STAC: variants seen among roughly 807,000 people sequenced by gnomAD.
STAC encodes SH3 and cysteine rich domain.
Under a neutral mutation model 48.8 loss-of-function variants are expected in STAC, and 43 were observed. The observed-to-expected ratio is 0.88, with a 90% CI of 0.69 to 1.14. STAC has a LOEUF of 1.14. Among genes scored for constraint, STAC ranks in the 50% most tolerant of loss-of-function variants. The pLI, the probability that STAC is intolerant of heterozygous loss-of-function variation, is 0.00. For missense variants in STAC, 497 were observed against 504.0 expected (o/e 0.99, Z 0.13); for synonymous variants, 193 against 179.5 (o/e 1.07, Z -0.60).
At chr3:36,439,558 C>G (rs899782596) in intron 1 of STAC, among the ~76,000 whole-genome samples, 2 of 152,160 alleles carry the variant, frequency 1.3e-5, no homozygotes, top group African/African-American at 4.8e-5. Flanking sequence ...AGTTGCACAT[C>G]CCATGACAAA....
intron 1 of STAC, among the ~76,000 whole-genome samples, chr3:36,426,699 C>T (rs1287491760): frequency 6.6e-6 from 1 of 152,160 alleles, no homozygotes; most frequent in East Asian, 1.9e-4. Flanking sequence ...CTAATTTTAA[C>T]ATCAAATTCT....
chr3:36,405,940 C>G (rs1056606491), intron 1 of STAC, among the ~76,000 whole-genome samples: 1 of 152,134 alleles, frequency 6.6e-6, no homozygotes, highest in African/African-American at 2.4e-5. Flanking sequence ...CCAGGATGGT[C>G]TTGAACTCCT....
At chr3:36,389,638 C>T (rs1699708403) in intron 1 of STAC, among the ~76,000 whole-genome samples, 1 of 152,088 alleles carries the variant, frequency 6.6e-6, no homozygotes, top group Non-Finnish European at 1.5e-5. Flanking sequence ...ATTTTATAAT[C>T]TAAAATCATT....
chr3:36,457,026 C>T (rs974756709), intron 2 of STAC, among the ~76,000 whole-genome samples: 5 of 152,144 alleles, frequency 3.3e-5, no homozygotes, highest in African/African-American at 1.2e-4. Flanking sequence ...CCTCATTGCC[C>T]GAAGAATTAC....
At chr3:36,489,131 A>G (rs1391834052) in intron 5 of STAC, among the ~76,000 whole-genome samples, 4 of 152,194 alleles carry the variant, frequency 2.6e-5, no homozygotes, top group Non-Finnish European at 5.9e-5. Context: ...TTCCTTTCTT[A>G]TAGAATATAT....
chr3:36,385,674 C>T (rs1405719071), intron 1 of STAC, among the ~76,000 whole-genome samples: 2 of 152,068 alleles, frequency 1.3e-5, no homozygotes, highest in Admixed American at 6.6e-5. Flanking sequence ...AATCACTAAC[C>T]TCCTAAAGGT....
chr3:36,415,393 G>A (rs144650412), intron 1 of STAC, among the ~76,000 whole-genome samples: 2,745 of 152,268 alleles, frequency 0.018, 48 homozygotes, highest in Non-Finnish European at 0.025. Context: ...CAGCCTCGTT[G>A]CCACCTTGCA....
intron 6 of STAC, among the ~76,000 whole-genome samples, chr3:36,500,107 AG>A (rs767215187): frequency 2.0e-5 from 3 of 152,328 alleles, no homozygotes; most frequent in East Asian, 1.9e-4. Flanking sequence ...CAAACCAGAT[AG>A]ACAAAAATAT....
At chr3:36,520,347 C>T (rs1485912480) in intron 8 of STAC, among the ~76,000 whole-genome samples, 1 of 152,190 alleles carries the variant, frequency 6.6e-6, no homozygotes, top group Non-Finnish European at 1.5e-5. Context: ...ATTATCTGCA[C>T]TATCTGAGAA....
At chr3:36,496,183 T>A (rs914930192) in intron 6 of STAC, among the ~76,000 whole-genome samples, 3 of 152,224 alleles carry the variant, frequency 2.0e-5, no homozygotes, top group African/African-American at 7.2e-5. Flanking sequence ...GTGTTGGAGA[T>A]GTATTAACAA....
chr3:36,418,786 G>T (rs1346456179), intron 1 of STAC, among the ~76,000 whole-genome samples: 1 of 151,818 alleles, frequency 6.6e-6, no homozygotes, highest in African/African-American at 2.4e-5. Context: ...GGTGGCTCAC[G>T]CCTGTAATCC....
chr3:36,461,426 C>G (rs111276202), intron 2 of STAC, among the ~76,000 whole-genome samples: 4,712 of 152,230 alleles, frequency 0.031, 129 homozygotes, highest in South Asian at 0.055. Flanking sequence ...AATGAACAAA[C>G]CAGGCAAAGA....
chr3:36,545,701 A>G (rs749345157), intron 10 of STAC, among the ~76,000 whole-genome samples: 3 of 152,150 alleles, frequency 2.0e-5, no homozygotes, highest in Non-Finnish European at 4.4e-5. Flanking sequence ...GTTAGCATCT[A>G]TTTGCTTGAG....
intron 3 of STAC, among the ~76,000 whole-genome samples, chr3:36,484,743 C>T (rs922943369): frequency 1.3e-5 from 2 of 152,158 alleles, no homozygotes; most frequent in African/African-American, 4.8e-5. Flanking sequence ...CTGGGGAGGC[C>T]AGGGCCAGGA....
chr3:36,398,624 A>AAAAG lies in STAC; in HGVS notation c.111+17872_111+17875dup, dbSNP rs113715257. Reference sequence around the variant, plus strand: ...AGAAAGGAAGGAGGGAAGGAAGAGAAAAAGAGAGAGAAAGAAAGAAAGAAA... The same window carrying AAAAG: ...AGAAAGGAAGGAGGGAAGGAAGAGAAAAAGAAAGAGAGAGAAAGAAAGAAAGAAA... On this transcript the variant is annotated intron_variant, in intron 1 of 10. Transcript: ENST00000273183. Among the ~76,000 whole-genome samples the AAAAG allele has an allele frequency of 3.5e-3, 216 of 60,972 alleles. 21 individuals carry two copies. The highest frequency in any genetic ancestry group is 0.015 in the Middle Eastern group (2 of 132). The allele number at this position is 60,972 out of a possible 152,430, so 40.0% of individuals were successfully genotyped here.
At chr3:36,470,255 G>T (rs911865911) in intron 2 of STAC, among the ~76,000 whole-genome samples, 12 of 152,320 alleles carry the variant, frequency 7.9e-5, no homozygotes, top group Middle Eastern at 3.4e-3. Flanking sequence ...GTCCCACGGG[G>T]TGCTCCCTTG....
chr3:36,411,837 A>G (rs1302351960), intron 1 of STAC, among the ~76,000 whole-genome samples: 2 of 152,200 alleles, frequency 1.3e-5, no homozygotes, highest in Non-Finnish European at 2.9e-5. Context: ...TCCTATCAGC[A>G]TGTAACTGGG....
At chr3:36,393,265 T>C (rs898881239) in intron 1 of STAC, among the ~76,000 whole-genome samples, 1 of 152,152 alleles carries the variant, frequency 6.6e-6, no homozygotes, top group Non-Finnish European at 1.5e-5. Flanking sequence ...TGTAATTACT[T>C]CTTTGCAAAC....
At chr3:36,542,924 G>C in intron 10 of STAC, among the ~76,000 whole-genome samples, 1 of 152,132 alleles carries the variant, frequency 6.6e-6, no homozygotes, top group East Asian at 1.9e-4. Flanking sequence ...AAGAGTTGTT[G>C]AATGAGTGAA....
Sources: gnomAD v4.1 joint callset for allele counts (sites outside exome capture counted in the v4.1 genomes callset) on GRCh38, gnomAD v4.1.1 for gene constraint, MANE v1.5 for transcripts, NCBI Gene and HGNC (gene_info 2026-07-23, HGNC 2026-07-21) for gene names.